Variants in ERP44 observed in about 807,000 individuals in gnomAD.
ERP44 encodes endoplasmic reticulum protein 44.
Under a neutral mutation model 53.4 loss-of-function variants are expected in ERP44, and 25 were observed. The ratio of observed to expected loss-of-function variants is 0.47; its 90% confidence interval spans 0.34 to 0.65. The LOEUF is 0.65. Ranked by LOEUF, ERP44 falls within the 30% of genes least tolerant of loss-of-function variation. The pLI, the probability that ERP44 is intolerant of heterozygous loss-of-function variation, is 0.01. For synonymous variants in ERP44, 145 were observed against 161.2 expected (o/e 0.90, Z 0.76); for missense variants, 338 against 493.2 (o/e 0.69, Z 2.98).
At chr9:100,060,049 A>G (rs1826126503) in intron 2 of ERP44, 51 bp downstream of exon 2, 1 of 1,310,792 alleles carries the variant, frequency 7.6e-7, no homozygotes, top group Non-Finnish European at 9.9e-7. Context: ...TATATAAACT[A>G]ACTCTCTATA....
At chr9:100,069,877 T>G (rs1395887052) in intron 1 of ERP44, among the ~76,000 whole-genome samples, 1 of 152,234 alleles carries the variant, frequency 6.6e-6, no homozygotes, top group African/African-American at 2.4e-5. Context: ...CATTAAAAAC[T>G]GATGTTATCT....
At chr9:100,081,090 A>G (rs1393290604) in intron 1 of ERP44, among the ~76,000 whole-genome samples, 2 of 152,108 alleles carry the variant, frequency 1.3e-5, no homozygotes, top group Admixed American at 6.5e-5. Flanking sequence ...AAGAATTTAT[A>G]TCAGTAATTA....
chr9:100,030,379 G>C (rs1490711811), intron 4 of ERP44, among the ~76,000 whole-genome samples: 2 of 152,136 alleles, frequency 1.3e-5, no homozygotes, highest in Non-Finnish European at 2.9e-5. Context: ...CCAACTCTGG[G>C]TAAGTAGTGG....
intron 10 of ERP44, among the ~76,000 whole-genome samples, chr9:99,986,884 T>C (rs1830200656): frequency 6.6e-6 from 1 of 152,224 alleles, no homozygotes; most frequent in Admixed American, 6.5e-5. Context: ...CATCATCTAC[T>C]GTCACCCACA....
chr9:100,062,601 T>C (rs1029034665), intron 1 of ERP44, among the ~76,000 whole-genome samples: 1 of 152,204 alleles, frequency 6.6e-6, no homozygotes, highest in Non-Finnish European at 1.5e-5. Context: ...GCATACGGCA[T>C]GGTGTGCGCT....
intron 4 of ERP44, among the ~76,000 whole-genome samples, chr9:100,031,682 C>G (rs536231711): frequency 5.9e-4 from 90 of 152,134 alleles, no homozygotes; most frequent in African/African-American, 2.0e-3. Context: ...TTTAAAAGAA[C>G]TGTTTTTTTT....
intron 8 of ERP44, among the ~76,000 whole-genome samples, chr9:100,009,214 C>T (rs749678120): frequency 1.3e-5 from 2 of 152,026 alleles, no homozygotes; most frequent in African/African-American, 2.4e-5. Flanking sequence ...CGTGTTCAAA[C>T]GATTCTCCTG....
intron 4 of ERP44, among the ~76,000 whole-genome samples, chr9:100,047,349 G>C (rs1025304080): frequency 6.6e-6 from 1 of 152,150 alleles, no homozygotes; most frequent in Admixed American, 6.5e-5. Flanking sequence ...TAATCAAAAA[G>C]TGTGGAACTG....
Position 99,985,080 on chromosome 9 carries a change from A to G in ERP44, c.1017-11T>C. Reference sequence around the variant, plus strand: ...AGTTTTCCAGGAATTCTAAAACCAGAGTCAAATAAAATGTAAACTGTTAAA... The same window carrying G: ...AGTTTTCCAGGAATTCTAAAACCAGGGTCAAATAAAATGTAAACTGTTAAA... On this transcript the variant is annotated splice_polypyrimidine_tract_variant and intron_variant, in intron 10 of 11. Transcript: ENST00000262455. The G allele has an allele frequency of 6.4e-7, 1 of 1,555,894 alleles. No individual in the cohort carries two copies. The highest frequency in any genetic ancestry group is 8.9e-7 in the Non-Finnish European group (1 of 1,127,608).
intron 1 of ERP44, among the ~76,000 whole-genome samples, chr9:100,064,406 G>A (rs186398388): frequency 2.1e-4 from 32 of 152,240 alleles, no homozygotes; most frequent in African/African-American, 3.4e-4. Flanking sequence ...TTGAAATTGC[G>A]AACAAACATT....
intron 1 of ERP44, among the ~76,000 whole-genome samples, chr9:100,071,658 G>A (rs1188628654): frequency 2.6e-5 from 4 of 152,096 alleles, no homozygotes; most frequent in Admixed American, 2.0e-4. Context: ...AGTAGCTCAC[G>A]CCTGTAATCC....
chr9:100,060,038 A>G, intron 2 of ERP44, 62 bp downstream of exon 2: 1 of 1,236,864 alleles, frequency 8.1e-7, no homozygotes, highest in Non-Finnish European at 1.0e-6. Flanking sequence ...TTTTTTTTGT[A>G]TATATAAACT....
chr9:100,081,038 T>A (rs944458327), intron 1 of ERP44, among the ~76,000 whole-genome samples: 5 of 150,572 alleles, frequency 3.3e-5, no homozygotes, highest in South Asian at 2.1e-4. Flanking sequence ...GAAAAAAAAA[T>A]ATGAAAATCA....
intron 10 of ERP44, among the ~76,000 whole-genome samples, chr9:99,991,255 C>G (rs1564084331): frequency 6.6e-6 from 1 of 152,204 alleles, no homozygotes; most frequent in African/African-American, 2.4e-5. Flanking sequence ...AAACTGACCA[C>G]ATAGTTGGAA....
intron 1 of ERP44, among the ~76,000 whole-genome samples, chr9:100,081,269 G>T (rs1157713075): frequency 6.6e-6 from 1 of 151,902 alleles, no homozygotes; most frequent in Non-Finnish European, 1.5e-5. Flanking sequence ...GAAAAGCTGG[G>T]GGATACCCAT....
intron 4 of ERP44, 102 bp downstream of exon 4, chr9:100,052,311 AAAAG>A: frequency 1.9e-6 from 1 of 528,790 alleles, no homozygotes; most frequent in Non-Finnish European, 3.2e-6. Flanking sequence ...TTTAAAAAAA[AAAAG>A]AAAAGGAAAA....
intron 4 of ERP44, among the ~76,000 whole-genome samples, chr9:100,029,163 A>G (rs1005928357): frequency 6.6e-6 from 1 of 152,254 alleles, no homozygotes; most frequent in Non-Finnish European, 1.5e-5. Context: ...ACAGGCAAAA[A>G]AAAAAGCAAA....
chr9:100,019,401 T>C (rs1019588866), intron 6 of ERP44, among the ~76,000 whole-genome samples: 11 of 151,894 alleles, frequency 7.2e-5, no homozygotes, highest in Admixed American at 4.6e-4. Context: ...AAACTGATAA[T>C]GCGCACAATA....
chr9:99,991,569 T>C (rs1399935606), intron 10 of ERP44, among the ~76,000 whole-genome samples: 5 of 152,126 alleles, frequency 3.3e-5, no homozygotes, highest in Admixed American at 1.3e-4. Flanking sequence ...GCAGGAAAGA[T>C]CTAAAATTTA....
Sources: allele counts gnomAD v4.1 joint callset (sites outside exome capture counted in the v4.1 genomes callset), GRCh38; gene constraint gnomAD v4.1.1; transcripts MANE v1.5; gene names NCBI Gene and HGNC (gene_info 2026-07-23, HGNC 2026-07-21).